The following NKAIN3 variants were observed in gnomAD, a reference collection of about 807,000 sequenced individuals.
NKAIN3 encodes sodium/potassium-transporting ATPase subunit beta-1-interacting protein 3.
In NKAIN3, 25 loss-of-function variants were observed where a neutral mutation model predicts 30.2. The ratio of observed to expected loss-of-function variants is 0.83; its 90% CI spans 0.60 to 1.16. The LOEUF (loss-of-function observed/expected upper bound fraction) is 1.16. Among genes scored for constraint, NKAIN3 ranks in the 50% most tolerant of loss-of-function variants. The pLI is 0.00. For synonymous variants in NKAIN3, 91 were observed against 89.6 expected, an observed-to-expected ratio of 1.02 and a Z score of -0.09; for missense variants, 225 against 254.1, an observed-to-expected ratio of 0.89 and a Z score of 0.78.
At chr8:62,793,612 G>C (rs989446888) in intron 4 of NKAIN3, among the ~76,000 whole-genome samples, 1 of 152,244 alleles carries the variant, frequency 6.6e-6, no homozygotes, top group African/African-American at 2.4e-5. Context: ...ACATGGAGAC[G>C]TAGTGGTAGG....
chr8:62,721,131 G>A (rs1439933256), intron 3 of NKAIN3, among the ~76,000 whole-genome samples: 63 of 152,118 alleles, frequency 4.1e-4, no homozygotes, highest in Non-Finnish European at 8.8e-5. Context: ...CTGTCCAGGA[G>A]TAAAATATCC....
At chr8:62,556,741 A>C (rs1585942394) in intron 1 of NKAIN3, among the ~76,000 whole-genome samples, 1 of 151,934 alleles carries the variant, frequency 6.6e-6, no homozygotes, top group African/African-American at 2.4e-5. Flanking sequence ...AAGTATAGCC[A>C]TTTTGAACTT....
At chr8:62,510,776 G>A (rs1807792313) in intron 1 of NKAIN3, among the ~76,000 whole-genome samples, 1 of 152,006 alleles carries the variant, frequency 6.6e-6, no homozygotes, top group South Asian at 2.1e-4. Flanking sequence ...TCATATTATG[G>A]GTAAACTGGT....
At chr8:62,378,950 G>A (rs1422359930) in intron 1 of NKAIN3, among the ~76,000 whole-genome samples, 1 of 152,150 alleles carries the variant, frequency 6.6e-6, no homozygotes, top group African/African-American at 2.4e-5. Flanking sequence ...CTTGTGCCTG[G>A]AAAAGCCCCA....
chr8:62,635,949 G>C (rs1403119280), intron 3 of NKAIN3, among the ~76,000 whole-genome samples: 1 of 152,102 alleles, frequency 6.6e-6, no homozygotes, highest in Non-Finnish European at 1.5e-5. Flanking sequence ...CAAAATATCT[G>C]AGTGGTGACT....
intron 5 of NKAIN3, among the ~76,000 whole-genome samples, chr8:62,942,170 AT>A (rs1430631373): frequency 3.1e-4 from 11 of 35,178 alleles, no homozygotes; most frequent in African/African-American, 2.3e-3. Flanking sequence ...AATAGCTGCA[AT>A]ATATATATAT....
chr8:62,909,898 AT>A (rs1475521313), intron 4 of NKAIN3, among the ~76,000 whole-genome samples: 2 of 152,138 alleles, frequency 1.3e-5, no homozygotes, highest in African/African-American at 4.8e-5. Flanking sequence ...GGTACTGTCT[AT>A]CTCCATTGCC....
chr8:62,364,773 G>A (rs1326163475), intron 1 of NKAIN3, among the ~76,000 whole-genome samples: 2 of 124,068 alleles, frequency 1.6e-5, no homozygotes, highest in Non-Finnish European at 3.1e-5. Context: ...GGGAGGCAGA[G>A]CTTGCAGATC....
In NKAIN3 at chr8:62,568,863, C is replaced by T. The variant is rs375718806; in HGVS notation, c.55-10676C>T. Among the ~76,000 whole-genome samples the T allele has an allele frequency of 5.4e-5, 8 of 149,376 alleles. No homozygotes were observed. In the East Asian group the frequency reaches 1.4e-3, roughly 25 times the overall value. Reference sequence around the variant, plus strand: ...GTAGCCTTTTCAAATATTCTGGAGACAATTTTTTCACCTAGAAGAGCTAGT... The same window carrying T: ...GTAGCCTTTTCAAATATTCTGGAGATAATTTTTTCACCTAGAAGAGCTAGT... On this transcript the variant is annotated intron_variant, in intron 1 of 6. Transcript: ENST00000623646.
intron 5 of NKAIN3, among the ~76,000 whole-genome samples, chr8:62,997,349 A>T (rs1281218852): frequency 1.3e-5 from 2 of 152,194 alleles, no homozygotes; most frequent in East Asian, 3.9e-4. Context: ...AAAAACTAGA[A>T]ATTTGAGAGG....
At chr8:62,926,080 G>A (rs576008155) in intron 5 of NKAIN3, among the ~76,000 whole-genome samples, 1 of 152,282 alleles carries the variant, frequency 6.6e-6, no homozygotes, top group African/African-American at 2.4e-5. Flanking sequence ...AGTGGAAAAT[G>A]TGGGATTTGG....
At chr8:62,768,944 T>C (rs1816934359) in intron 4 of NKAIN3, among the ~76,000 whole-genome samples, 1 of 152,220 alleles carries the variant, frequency 6.6e-6, no homozygotes, top group Non-Finnish European at 1.5e-5. Context: ...CTGTTGTCTG[T>C]GATTATGATA....
chr8:62,366,535 T>G (rs754702337), intron 1 of NKAIN3, among the ~76,000 whole-genome samples: 1 of 152,182 alleles, frequency 6.6e-6, no homozygotes, highest in Non-Finnish European at 1.5e-5. Context: ...CGCTTCTTTC[T>G]ATTTCTGTGG....
At chr8:62,557,075 T>C (rs1489708828) in intron 1 of NKAIN3, among the ~76,000 whole-genome samples, 3 of 151,988 alleles carry the variant, frequency 2.0e-5, no homozygotes, top group Non-Finnish European at 4.4e-5. Flanking sequence ...TCCCTTCCCA[T>C]CCTTTCCCTA....
At chr8:62,605,019 T>C (rs1325300691) in intron 3 of NKAIN3, among the ~76,000 whole-genome samples, 1 of 152,092 alleles carries the variant, frequency 6.6e-6, no homozygotes, top group Non-Finnish European at 1.5e-5. Flanking sequence ...GGTATGGTCA[T>C]CTAAGTAAGT....
intron 3 of NKAIN3, among the ~76,000 whole-genome samples, chr8:62,682,485 G>C (rs951008929): frequency 6.6e-6 from 1 of 152,262 alleles, no homozygotes; most frequent in Admixed American, 6.5e-5. Context: ...GACAGAACGT[G>C]GGGGAGGGGT....
chr8:62,851,126 T>C (rs1819882190), intron 4 of NKAIN3, among the ~76,000 whole-genome samples: 1 of 152,066 alleles, frequency 6.6e-6, no homozygotes, highest in Non-Finnish European at 1.5e-5. Flanking sequence ...TCCTCTTTTA[T>C]TTCCTTGAGC....
intron 2 of NKAIN3, among the ~76,000 whole-genome samples, chr8:62,584,116 A>T (rs1222202189): frequency 1.3e-5 from 2 of 152,200 alleles, no homozygotes; most frequent in African/African-American, 2.4e-5. Flanking sequence ...GCAGAAATCC[A>T]TACTGACTTT....
chr8:62,464,373 T>G (rs1003928746), intron 1 of NKAIN3, among the ~76,000 whole-genome samples: 1 of 152,200 alleles, frequency 6.6e-6, no homozygotes, highest in Non-Finnish European at 1.5e-5. Context: ...TAATTATCAA[T>G]GTCTAATCTT....
Sources: allele counts gnomAD v4.1 joint callset (sites outside exome capture counted in the v4.1 genomes callset), GRCh38; gene constraint gnomAD v4.1.1; transcripts MANE v1.5; gene names NCBI Gene and HGNC (gene_info 2026-07-23, HGNC 2026-07-21).